TAF1: variants seen among roughly 807,000 people sequenced by gnomAD.
The protein encoded by TAF1 is TATA-box binding protein associated factor 1, also known as transcription initiation factor TFIID subunit 1.
In TAF1, 2 loss-of-function variants were observed where a neutral mutation model predicts 138.5. The observed-to-expected ratio is 0.01, with a 90% CI of 0.01 to 0.05. The LOEUF is 0.05. Ranked by LOEUF, TAF1 falls within the 10% of genes least tolerant of loss-of-function variation. The pLI, the probability that TAF1 is intolerant of heterozygous loss-of-function variation, is 1.00. For missense variants in TAF1, 709 were observed against 1,478.0 expected (o/e 0.48, Z 8.53); for synonymous variants, 437 against 503.2 (o/e 0.87, Z 1.76).
chrX:71,471,380 G>A (rs1396986977), intron 13 of TAF1, among the ~76,000 whole-genome samples: 2 of 102,160 alleles, frequency 2.0e-5, no homozygotes, highest in African/African-American at 7.2e-5. Flanking sequence ...CACATGAATG[G>A]AACCCAGATA....
intron 6 of TAF1, 46 bp downstream of exon 6, chrX:71,377,867 A>G (rs375524675): frequency 1.9e-5 from 20 of 1,080,111 alleles, no homozygotes; most frequent in Non-Finnish European, 2.4e-5. Context: ...AGAGGAACAA[A>G]TGAATTCAAT....
intron 32 of TAF1, among the ~76,000 whole-genome samples, chrX:71,432,112 C>T (rs1032657233): frequency 2.7e-5 from 3 of 110,189 alleles, no homozygotes; most frequent in Non-Finnish European, 5.7e-5. Flanking sequence ...GGATAAAAAG[C>T]CAGACTGTAG....
At chrX:71,419,861 C>T (rs115302005) in intron 28 of TAF1, among the ~76,000 whole-genome samples, 395 of 111,970 alleles carry the variant, frequency 3.5e-3, no homozygotes, top group African/African-American at 0.012. Flanking sequence ...AATAAGCAGC[C>T]TCCTGCCCCA....
intron 3 of TAF1, among the ~76,000 whole-genome samples, chrX:71,372,571 G>C (rs2033147162): frequency 9.2e-6 from 1 of 108,901 alleles, no homozygotes; most frequent in Admixed American, 9.9e-5. Context: ...CCCAGGAGTT[G>C]GAGGTTGCAG....
chrX:71,498,868 G>A (rs995937825), intron 13 of TAF1, among the ~76,000 whole-genome samples: 1 of 111,864 alleles, frequency 8.9e-6, no homozygotes, highest in South Asian at 3.8e-4. Flanking sequence ...GGCTGTCCCA[G>A]GATACCTCGG....
intron 32 of TAF1, among the ~76,000 whole-genome samples, chrX:71,451,309 G>C: frequency 9.0e-6 from 1 of 111,516 alleles, no homozygotes; most frequent in Admixed American, 9.5e-5. Flanking sequence ...ACATCAGCCA[G>C]ATACAATGTA....
At chrX:71,496,094 T>G (rs183328592) in intron 13 of TAF1, among the ~76,000 whole-genome samples, 2 of 112,343 alleles carry the variant, frequency 1.8e-5, no homozygotes, top group East Asian at 5.6e-4. Flanking sequence ...TACTGGGCAA[T>G]TTTCCTAATT....
chrX:71,508,777 G>A (rs758691046), intron 13 of TAF1, among the ~76,000 whole-genome samples: 241 of 107,265 alleles, frequency 2.2e-3, no homozygotes, highest in Non-Finnish European at 4.2e-3. Flanking sequence ...CATATGCATA[G>A]GAAGTAATTA....
intron 13 of TAF1, among the ~76,000 whole-genome samples, chrX:71,472,785 A>C (rs1203990125): frequency 1.8e-5 from 2 of 112,191 alleles, no homozygotes; most frequent in Non-Finnish European, 3.8e-5. Flanking sequence ...ACAGTTAAAA[A>C]TCAGAACAGC....
At chrX:71,441,734 T>C (rs955433598) in intron 32 of TAF1, 13 of 262,263 alleles carry the variant, frequency 5.0e-5, no homozygotes, top group Non-Finnish European at 9.1e-5. Context: ...TTGTTAAATA[T>C]ATATACATGT....
intron 32 of TAF1, among the ~76,000 whole-genome samples, chrX:71,451,994 C>A: frequency 8.9e-6 from 1 of 111,762 alleles, no homozygotes. Context: ...CTGTTGGGTA[C>A]ACCTCCCAGA....
At chrX:71,524,708 CA>C (rs2039965271) in intron 13 of TAF1, among the ~76,000 whole-genome samples, 1 of 108,728 alleles carries the variant, frequency 9.2e-6, no homozygotes, top group Admixed American at 9.9e-5. Context: ...TTTGGGAGGC[CA>C]AGGAGGGCGG....
intron 13 of TAF1, among the ~76,000 whole-genome samples, chrX:71,483,772 C>CTA (rs1296271842): frequency 2.6e-3 from 195 of 75,083 alleles, no homozygotes; most frequent in Non-Finnish European, 3.0e-3. Context: ...CTCTCTCTCT[C>CTA]TCTCTCTCTA....
At chrX:71,518,167 G>T (rs749209033) in intron 13 of TAF1, among the ~76,000 whole-genome samples, 108 of 109,869 alleles carry the variant, frequency 9.8e-4, no homozygotes, top group Non-Finnish European at 1.8e-3. Flanking sequence ...AAGTGTATAA[G>T]AAATCACTTT....
At chrX:71,495,907 A>C (rs898042969) in intron 13 of TAF1, among the ~76,000 whole-genome samples, 3 of 112,165 alleles carry the variant, frequency 2.7e-5, no homozygotes, top group African/African-American at 9.7e-5. Context: ...AACTTTCAGC[A>C]AACTTTACTT....
At chrX:71,383,853 T>C in intron 12 of TAF1, 109 bp from the exon 13 acceptor site, 1 of 941,627 alleles carries the variant, frequency 1.1e-6, no homozygotes, top group South Asian at 2.9e-5. Context: ...ATTATGAAAT[T>C]GGAAAATAGG....
chrX:71,458,922 A>C (rs1179375805), intron 35 of TAF1, among the ~76,000 whole-genome samples: 1 of 111,171 alleles, frequency 9.0e-6, no homozygotes, highest in African/African-American at 3.3e-5. Context: ...GTAATAATAC[A>C]GTAAGAGTAG....
intron 13 of TAF1, chrX:71,528,256 C>G: frequency 7.9e-6 from 2 of 251,592 alleles, no homozygotes; most frequent in Non-Finnish European, 7.4e-6. Context: ...TATGATTGCC[C>G]CCAGCACCAT....
chrX:71,512,237 C>G (rs988830244), intron 13 of TAF1, among the ~76,000 whole-genome samples: 1 of 110,679 alleles, frequency 9.0e-6, no homozygotes, highest in East Asian at 2.9e-4. Flanking sequence ...ATGGCGTGCA[C>G]CTGGGAGGCG....
Sources: gnomAD v4.1 joint callset for allele counts (sites outside exome capture counted in the v4.1 genomes callset) on GRCh38, gnomAD v4.1.1 for gene constraint, MANE v1.5 for transcripts, NCBI Gene and HGNC (gene_info 2026-07-23, HGNC 2026-07-21) for gene names.